PBX1: variants seen among roughly 807,000 people sequenced by gnomAD.
The protein encoded by PBX1 is PBX homeobox 1.
In PBX1, 6 loss-of-function variants were observed where a neutral mutation model predicts 53.4. That is an observed-to-expected ratio of 0.11 (90% confidence interval 0.06 to 0.22). The LOEUF is 0.22. PBX1 is among the 10% of genes least tolerant of loss of function. The probability of loss-of-function intolerance (pLI) is 1.00; values close to 1 mark genes in which losing one functional copy is unlikely to be tolerated. For missense variants in PBX1, 251 were observed against 551.4 expected (o/e 0.46, Z 5.46); for synonymous variants, 204 against 212.3 (o/e 0.96, Z 0.34).
At position 164,631,784 on chromosome 1, in the gene PBX1, G is replaced by A. The variant is rs1051532905; in HGVS notation, c.265+68473G>A. Reference sequence around the variant, plus strand: ...TAAATCAGCTATTGTAGCACGTGAAGGAAATTAATACAAATTAAGGAATTG... The same window carrying A: ...TAAATCAGCTATTGTAGCACGTGAAAGAAATTAATACAAATTAAGGAATTG... On this transcript the variant is annotated intron_variant, in intron 2 of 8. Coordinates refer to ENST00000420696, the MANE Select transcript of PBX1 (RefSeq NM_002585.4). 3.9e-5 allele frequency among the ~76,000 whole-genome samples: 6 copies of A among 152,184 alleles called. No homozygotes were observed. The South Asian group carries it at 1.2e-3, about 32-fold the overall frequency.
chr1:164,689,677 C>T (rs1294568567), intron 2 of PBX1, among the ~76,000 whole-genome samples: 1 of 152,144 alleles, frequency 6.6e-6, no homozygotes, highest in East Asian at 1.9e-4. Flanking sequence ...CCAATAAATC[C>T]ATTACTGTTA....
chr1:164,851,615 T>G lies in PBX1; in HGVS notation c.*4939T>G. ...TCCCCCTACCCCTCCCCTTTTCTTA[T>G]TATTCAGAATATAAACCTGCAAAGC... On this transcript the variant is annotated 3_prime_UTR_variant, in exon 9 of 9. Transcript: ENST00000420696. 1 of 186,326 alleles carries G rather than the reference T, an allele frequency of 5.4e-6. No individual in the cohort carries two copies. The highest frequency in any genetic ancestry group is 1.1e-5 in the Non-Finnish European group (1 of 88,030). 11.5% of individuals were successfully genotyped at this position (186,326 alleles called of 1,614,324 possible). A position where few individuals can be genotyped will look rare whatever the true frequency, so the allele number is the denominator to read the frequency against.
intron 8 of PBX1, among the ~76,000 whole-genome samples, chr1:164,843,924 T>G (rs2102414885): frequency 6.6e-6 from 1 of 152,220 alleles, no homozygotes; most frequent in African/African-American, 2.4e-5. Flanking sequence ...TTTGCACCAC[T>G]TATTGTTATC....
At chr1:164,705,721 A>C (rs968785069) in intron 2 of PBX1, among the ~76,000 whole-genome samples, 27 of 152,226 alleles carry the variant, frequency 1.8e-4, no homozygotes, top group African/African-American at 5.8e-4. Flanking sequence ...TTTTGATTAT[A>C]ATTTTCTCAT....
chr1:164,575,471 T>G (rs1264212273), intron 2 of PBX1, among the ~76,000 whole-genome samples: 2 of 152,222 alleles, frequency 1.3e-5, no homozygotes, highest in Non-Finnish European at 2.9e-5. Flanking sequence ...TAGTAGCCTG[T>G]GCTGGTAGGG....
At chr1:164,713,932 C>CAAAAGGA (rs1663939467) in intron 2 of PBX1, among the ~76,000 whole-genome samples, 5 of 152,190 alleles carry the variant, frequency 3.3e-5, no homozygotes, top group African/African-American at 1.2e-4. Context: ...GCCATTTCTT[C>CAAAAGGA]TGTCATTTAG....
rs1671779058 is a variant in PBX1 at position 164,850,465 on chromosome 1, T to TAA, written c.*3790_*3791insAA. On this transcript the variant is annotated 3_prime_UTR_variant, in exon 9 of 9. Coordinates refer to ENST00000420696, the MANE Select transcript of PBX1 (RefSeq NM_002585.4). ...TTTTCTTGATTCTTGCTCTTAAAAA[T>TAA]ACAAAAAAAAAAATGTTTTGTTTTG... is the stretch of plus-strand genomic sequence containing the variant. 5.5e-6 allele frequency: 1 copy of TAA among 181,088 alleles called. No homozygotes were observed. The highest frequency in any genetic ancestry group is 6.6e-5 in the Admixed American group (1 of 15,228). 11.2% of individuals were successfully genotyped at this position (181,088 alleles called of 1,614,324 possible).
intron 7 of PBX1, among the ~76,000 whole-genome samples, chr1:164,820,419 G>A (rs75706260): frequency 0.018 from 2,705 of 152,282 alleles, 34 homozygotes; most frequent in East Asian, 0.049. Flanking sequence ...GAGAAGAACA[G>A]TAAGCACAGG....
rs999092042 is a variant in PBX1, at chr1:164,707,253, A to G, written c.266-85241A>G. The stretch of plus-strand genomic sequence containing the variant: ...TCCCAAGGTTTTAACGTGCCTTACC[A>G]TATGAATATTTTGTTATTTTATTTG... On this transcript the variant is annotated intron_variant, in intron 2 of 8. Transcript: ENST00000420696. 3.9e-5 allele frequency among the ~76,000 whole-genome samples: 6 copies of G among 152,194 alleles called. No homozygotes were observed. In the South Asian group the frequency reaches 1.0e-3, roughly 26 times the overall value.
At chr1:164,627,987 G>GTAC (rs1462252980) in intron 2 of PBX1, among the ~76,000 whole-genome samples, 6 of 152,282 alleles carry the variant, frequency 3.9e-5, no homozygotes, top group African/African-American at 1.4e-4. Flanking sequence ...GGATCTTTCT[G>GTAC]TACCTGTTTT....
At chr1:164,692,122 C>T (rs1662523054) in intron 2 of PBX1, among the ~76,000 whole-genome samples, 1 of 152,150 alleles carries the variant, frequency 6.6e-6, no homozygotes, top group African/African-American at 2.4e-5. Flanking sequence ...AGATACTAAA[C>T]CTGTATACGT....
chr1:164,702,233 G>T (rs1390365453), intron 2 of PBX1, among the ~76,000 whole-genome samples: 1 of 151,826 alleles, frequency 6.6e-6, no homozygotes, highest in African/African-American at 2.4e-5. Context: ...AATGTTTGTT[G>T]CCTGAACTGG....
At chr1:164,866,631 T>C (rs929565167) in intron 2 of PBX1, among the ~76,000 whole-genome samples, 1 of 152,220 alleles carries the variant, frequency 6.6e-6, no homozygotes, top group African/African-American at 2.4e-5. Flanking sequence ...ATCCCTTATC[T>C]GGCTCCAGTC....
intron 2 of PBX1, among the ~76,000 whole-genome samples, chr1:164,773,709 C>A (rs1667503673): frequency 1.3e-5 from 2 of 152,118 alleles, no homozygotes; most frequent in African/African-American, 2.4e-5. Flanking sequence ...TCTCTCTTCA[C>A]CCATGGATCA....
At chr1:164,822,142 A>G (rs1670189139) in intron 8 of PBX1, among the ~76,000 whole-genome samples, 1 of 152,140 alleles carries the variant, frequency 6.6e-6, no homozygotes, top group African/African-American at 2.4e-5. Context: ...GTTCTTGGGT[A>G]CGCTGGCGGC....
intron 2 of PBX1, among the ~76,000 whole-genome samples, chr1:164,656,918 T>C (rs1261525438): frequency 6.6e-6 from 1 of 152,158 alleles, no homozygotes; most frequent in Admixed American, 6.5e-5. Flanking sequence ...AGTTTATACA[T>C]GGGTTGACTG....
chr1:164,581,121 C>G (rs1209812666), intron 2 of PBX1, among the ~76,000 whole-genome samples: 1 of 152,122 alleles, frequency 6.6e-6, no homozygotes, highest in Non-Finnish European at 1.5e-5. Flanking sequence ...TCCAGTGATT[C>G]TACGTGGTGC....
chr1:164,868,496 A>G (rs762206096), intron 2 of PBX1, among the ~76,000 whole-genome samples: 1 of 152,208 alleles, frequency 6.6e-6, no homozygotes, highest in Non-Finnish European at 1.5e-5. Flanking sequence ...AAGGCCTCCC[A>G]TGACCTCTGA....
At chr1:164,830,521 G>A (rs1164892994) in intron 8 of PBX1, among the ~76,000 whole-genome samples, 1 of 152,108 alleles carries the variant, frequency 6.6e-6, no homozygotes, top group Non-Finnish European at 1.5e-5. Flanking sequence ...AAATAATATG[G>A]AGGAAGATTT....
Sources: allele counts gnomAD v4.1 joint callset (sites outside exome capture counted in the v4.1 genomes callset), GRCh38; gene constraint gnomAD v4.1.1; transcripts MANE v1.5; gene names NCBI Gene and HGNC (gene_info 2026-07-23, HGNC 2026-07-21).